The following TBC1D22B variants were observed in gnomAD, a reference collection of about 807,000 sequenced individuals.
TBC1D22B encodes chromosome 6 open reading frame 197.
TBC1D22B carries 32 observed loss-of-function variants against 69.1 expected under a neutral mutation model. The observed-to-expected ratio is 0.46, with a 90% CI of 0.35 to 0.62. TBC1D22B has a LOEUF of 0.62. TBC1D22B is among the 20% of genes least tolerant of loss of function. The pLI is 0.00. For synonymous variants in TBC1D22B, 206 were observed against 229.8 expected (o/e 0.90, Z 0.94); for missense variants, 462 against 630.9 (o/e 0.73, Z 2.87).
intron 8 of TBC1D22B, among the ~76,000 whole-genome samples, chr6:37,299,427 A>C (rs969086428): frequency 6.6e-6 from 1 of 152,202 alleles, no homozygotes; most frequent in African/African-American, 2.4e-5. Flanking sequence ...TTTTCCCCAG[A>C]CCATTATTTA....
At chr6:37,263,266 A>G (rs1766166036) in intron 1 of TBC1D22B, among the ~76,000 whole-genome samples, 1 of 152,218 alleles carries the variant, frequency 6.6e-6, no homozygotes, top group South Asian at 2.1e-4. Context: ...TGTATGATTG[A>G]CTTTCTGGTT....
chr6:37,324,894 A>G (rs553946559), intron 12 of TBC1D22B, among the ~76,000 whole-genome samples: 31 of 152,328 alleles, frequency 2.0e-4, no homozygotes, highest in African/African-American at 7.0e-4. Context: ...GTAAAATGGA[A>G]GTTAATATGT....
chr6:37,282,348 C>T lies in TBC1D22B; in HGVS notation c.585C>T (p.Ser195=). The T allele has an allele frequency of 6.2e-7, 1 of 1,607,504 alleles. No homozygotes were observed. Among genetic ancestry groups the T allele is most frequent in the Non-Finnish European group, 8.5e-7 (1 of 1,176,384 alleles). The change falls in exon 4 of 13, where the codon AGC becomes AGT. Residue 195 remains serine, a synonymous_variant. Transcript: ENST00000373491. ...RLEKFRQLLS[S]QNTDLDELRK... is the part of the protein sequence containing the mutation. The stretch of plus-strand genomic sequence containing the variant: ...AAAAATTCCGTCAACTTCTCTCCAG[C>T]CAGAACACTGACTTAGGTGAGTCCC...
chr6:37,277,855 G>C (rs867739041), intron 2 of TBC1D22B, among the ~76,000 whole-genome samples: 2 of 152,012 alleles, frequency 1.3e-5, no homozygotes. Flanking sequence ...ACTTCTGGGC[G>C]TGGTGGCTCA....
chr6:37,308,630 A>G (rs868052790), intron 8 of TBC1D22B, among the ~76,000 whole-genome samples: 1 of 152,198 alleles, frequency 6.6e-6, no homozygotes, highest in African/African-American at 2.4e-5. Context: ...AACAGTTTGG[A>G]GTGGGTACAG....
intron 12 of TBC1D22B, among the ~76,000 whole-genome samples, chr6:37,326,594 C>G (rs935674552): frequency 2.6e-5 from 4 of 152,044 alleles, no homozygotes; most frequent in Non-Finnish European, 5.9e-5. Context: ...TGAGATCATC[C>G]TGGCTTAACG....
At chr6:37,299,631 A>G (rs1187057613) in intron 8 of TBC1D22B, among the ~76,000 whole-genome samples, 2 of 152,234 alleles carry the variant, frequency 1.3e-5, no homozygotes, top group African/African-American at 4.8e-5. Flanking sequence ...AACTGTGATG[A>G]AGCCTCTGAG....
chr6:37,261,995 G>C (rs1386639106), intron 1 of TBC1D22B, among the ~76,000 whole-genome samples: 4 of 105,910 alleles, frequency 3.8e-5, no homozygotes, highest in African/African-American at 7.5e-5. Context: ...GTGTGTGTGT[G>C]TCTAGAGCTC....
Position 37,291,340 on chromosome 6 carries a change from T to G in TBC1D22B, c.965T>G (p.Phe322Cys). 2 of 1,610,772 alleles carry G rather than the reference T, an allele frequency of 1.2e-6. No individual in the cohort carries two copies. Among genetic ancestry groups the G allele is most frequent in the Non-Finnish European group, 1.7e-6 (2 of 1,178,432 alleles). The change falls in exon 8 of 13, where the codon TTC (phenylalanine) becomes TGC (cysteine). Residue 322 changes from phenylalanine (F) to cysteine (C), a missense_variant. Transcript: ENST00000373491. ...CTGGTCACTCCATTCTTTGTCGTCTTCCTCTCAGAATATGTGGGTAAGAAG... is the reference window on the plus strand; with the variant it reads ...CTGGTCACTCCATTCTTTGTCGTCTGCCTCTCAGAATATGTGGGTAAGAAG... ...NDLVTPFFVV[F>C]LSEYVEEDVE...
At chr6:37,290,080 AT>A (rs1166755065) in intron 7 of TBC1D22B, among the ~76,000 whole-genome samples, 1 of 152,096 alleles carries the variant, frequency 6.6e-6, no homozygotes. Flanking sequence ...ATGTCTCTAG[AT>A]TCTCTGTGTC....
intron 1 of TBC1D22B, among the ~76,000 whole-genome samples, chr6:37,267,446 TAA>T (rs1766330593): frequency 2.1e-5 from 3 of 141,884 alleles, no homozygotes; most frequent in African/African-American, 7.9e-5. Flanking sequence ...CACACATATA[TAA>T]TATATATATA....
At chr6:37,330,794 ATTTATGTTT>A (rs1296409259) in intron 12 of TBC1D22B, among the ~76,000 whole-genome samples, 2 of 147,032 alleles carry the variant, frequency 1.4e-5, no homozygotes, top group East Asian at 3.9e-4. Flanking sequence ...GTCATTCCCT[ATTTATGTTT>A]TTTATGTTTT....
chr6:37,285,756 G>T (rs1766988114), intron 6 of TBC1D22B, among the ~76,000 whole-genome samples: 1 of 152,192 alleles, frequency 6.6e-6, no homozygotes, highest in Admixed American at 6.5e-5. Flanking sequence ...GCCTCCCAAA[G>T]TGCTGGGATT....
chr6:37,288,064 G>A (rs899120602), intron 7 of TBC1D22B, among the ~76,000 whole-genome samples: 4 of 152,126 alleles, frequency 2.6e-5, no homozygotes, highest in South Asian at 2.1e-4. Flanking sequence ...CTCTTTTAAC[G>A]GAACTTTCAG....
chr6:37,275,754 C>T (rs186444344), intron 2 of TBC1D22B, among the ~76,000 whole-genome samples: 147 of 152,230 alleles, frequency 9.7e-4, no homozygotes, highest in Non-Finnish European at 1.8e-3. Context: ...ATGAATATGG[C>T]TAGTGAGTAG....
At position 37,323,146 on chromosome 6, in the gene TBC1D22B, C is replaced by T. The variant is rs538317930; in HGVS notation, c.1389+5940C>T. Among the ~76,000 whole-genome samples the T allele has an allele frequency of 2.0e-5, 3 of 152,208 alleles. No homozygotes were observed. In the East Asian group the frequency reaches 5.8e-4, roughly 29 times the overall value. On this transcript the variant is annotated intron_variant, in intron 12 of 12. Transcript: ENST00000373491. ...GGGAGCCCAGGAAGATGTCAGCAGG[C>T]GCCAGCAAGGCCTCAGAGGGCTCAG...
At chr6:37,302,419 C>T (rs1767596371) in intron 8 of TBC1D22B, among the ~76,000 whole-genome samples, 1 of 152,168 alleles carries the variant, frequency 6.6e-6, no homozygotes, top group Non-Finnish European at 1.5e-5. Flanking sequence ...ATTAGTCTAG[C>T]TCTGAACTAC....
At chr6:37,282,009 A>T (rs13215183) in intron 3 of TBC1D22B, among the ~76,000 whole-genome samples, 176 bp from the exon 4 acceptor site, 1 of 152,136 alleles carries the variant, frequency 6.6e-6, no homozygotes, top group Non-Finnish European at 1.5e-5. Flanking sequence ...TGGGCAGTGA[A>T]TGGGGTGTGG....
intron 8 of TBC1D22B, among the ~76,000 whole-genome samples, chr6:37,299,180 T>C (rs6914506): frequency 0.64 from 97,715 of 152,050 alleles, 31,594 homozygotes; most frequent in East Asian, 0.85. Flanking sequence ...AGTGATATTA[T>C]GTATCTTTTC....
Sources: allele counts gnomAD v4.1 joint callset (sites outside exome capture counted in the v4.1 genomes callset), GRCh38; gene constraint gnomAD v4.1.1; transcripts MANE v1.5; gene names NCBI Gene and HGNC (gene_info 2026-07-23, HGNC 2026-07-21).